The following SLC4A10 variants were observed in gnomAD, a reference collection of about 807,000 sequenced individuals.
The protein encoded by SLC4A10 is sodium-driven chloride bicarbonate exchanger.
A neutral mutation model predicts 137.7 loss-of-function variants in SLC4A10; 42 were observed. The ratio of observed to expected loss-of-function variants is 0.30; its 90% CI spans 0.24 to 0.39. The LOEUF is 0.39. SLC4A10 is among the 10% of genes least tolerant of loss of function. The pLI is 1.00. For missense variants in SLC4A10, 925 were observed against 1,355.0 expected, an observed-to-expected ratio of 0.68 and a Z score of 4.98; for synonymous variants, 474 against 464.1, an observed-to-expected ratio of 1.02 and a Z score of -0.27.
chr2:161,742,161 C>CT (rs1290899911), intron 1 of SLC4A10, among the ~76,000 whole-genome samples: 4 of 152,170 alleles, frequency 2.6e-5, no homozygotes, highest in Non-Finnish European at 5.9e-5. Context: ...GGATCTCATT[C>CT]TTTTTTATGG....
intron 3 of SLC4A10, among the ~76,000 whole-genome samples, chr2:161,814,020 A>T (rs2056820567): frequency 1.3e-5 from 2 of 152,120 alleles, no homozygotes; most frequent in South Asian, 4.1e-4. Context: ...AAACTTTGCT[A>T]TTTAAATTTA....
intron 1 of SLC4A10, among the ~76,000 whole-genome samples, chr2:161,675,008 G>A (rs1188025932): frequency 1.3e-5 from 2 of 152,094 alleles, no homozygotes; most frequent in Admixed American, 1.3e-4. Context: ...AGCTTAATGG[G>A]ACTTTAATAA....
rs142599778 is a variant in SLC4A10, at chr2:161,783,656, A to G, written c.130+12602A>G. Among the ~76,000 whole-genome samples the G allele has an allele frequency of 2.5e-3, 375 of 152,048 alleles. 3 individuals are homozygous for G. The highest frequency in any genetic ancestry group is 8.0e-3 in the African/African-American group (334 of 41,536). On this transcript the variant is annotated intron_variant, in intron 2 of 26. Transcript: ENST00000446997. ...TGTGTATGGGAAGGAGAGTAAAAAG[A>G]GGCATATTTTTGTATGTCATTGAAC...
intron 23 of SLC4A10, among the ~76,000 whole-genome samples, chr2:161,966,693 A>G (rs1697644206): frequency 6.6e-6 from 1 of 151,518 alleles, no homozygotes; most frequent in African/African-American, 2.4e-5. Flanking sequence ...CGTTGCAGTG[A>G]GCCACTGCAC....
chr2:161,642,901 G>A (rs988471982), intron 1 of SLC4A10, among the ~76,000 whole-genome samples: 4 of 152,028 alleles, frequency 2.6e-5, no homozygotes, highest in South Asian at 4.1e-4. Flanking sequence ...TTTTTGTAGC[G>A]AAGACAAAAA....
In SLC4A10 at chr2:161,977,876, A is replaced by G. The variant is rs181042305; in HGVS notation, c.*26+116A>G. The G allele has an allele frequency of 3.2e-5, 28 of 879,090 alleles. No homozygotes were observed. The Admixed American group carries it at 6.1e-4, about 19-fold the overall frequency. The allele number at this position is 879,090 out of a possible 1,614,324, so 54.5% of individuals were successfully genotyped here. On this transcript the variant is annotated intron_variant, in intron 26 of 26. Transcript: ENST00000446997. ...TGTGAGTTTTGGGGAGGCAAAAGGC[A>G]TGGAGAGTGTTGGGCTCAGATCCAG...
chr2:161,928,484 G>A (rs1013731661), intron 15 of SLC4A10, among the ~76,000 whole-genome samples: 1 of 150,228 alleles, frequency 6.7e-6, no homozygotes, highest in African/African-American at 2.5e-5. Flanking sequence ...TAACTAACCT[G>A]CACATTGTGT....
At chr2:161,765,170 T>C (rs2050663669) in intron 1 of SLC4A10, among the ~76,000 whole-genome samples, 1 of 152,288 alleles carries the variant, frequency 6.6e-6, no homozygotes, top group South Asian at 2.1e-4. Context: ...AGTATTGGTT[T>C]GTGAAATTTT....
chr2:161,967,178 A>G (rs1035772207), intron 23 of SLC4A10, among the ~76,000 whole-genome samples: 5 of 152,280 alleles, frequency 3.3e-5, no homozygotes, highest in African/African-American at 1.2e-4. Context: ...TTCTCTGGAC[A>G]CTTCGGTTTC....
At chr2:161,662,444 G>A (rs1253327201) in intron 1 of SLC4A10, among the ~76,000 whole-genome samples, 2 of 151,958 alleles carry the variant, frequency 1.3e-5, no homozygotes, top group Non-Finnish European at 2.9e-5. Context: ...AAACTATTCT[G>A]CCCTATCAAA....
intron 9 of SLC4A10, among the ~76,000 whole-genome samples, chr2:161,881,696 G>A (rs2061793801): frequency 1.3e-5 from 2 of 151,940 alleles, no homozygotes; most frequent in African/African-American, 4.8e-5. Flanking sequence ...TAAAGTTAGA[G>A]TATCTATTGA....
chr2:161,746,525 T>C (rs1357975993), intron 1 of SLC4A10, among the ~76,000 whole-genome samples: 1 of 151,940 alleles, frequency 6.6e-6, no homozygotes, highest in African/African-American at 2.4e-5. Context: ...AAATGTCCTC[T>C]AGGAGCTGAT....
intron 1 of SLC4A10, among the ~76,000 whole-genome samples, chr2:161,753,266 A>G (rs1314843664): frequency 6.6e-6 from 1 of 152,098 alleles, no homozygotes; most frequent in East Asian, 1.9e-4. Context: ...TAATCATATC[A>G]AACAATTGGA....
At chr2:161,982,931 A>C (rs564407704) in intron 26 of SLC4A10, among the ~76,000 whole-genome samples, 1 of 152,312 alleles carries the variant, frequency 6.6e-6, no homozygotes, top group East Asian at 1.9e-4. Context: ...CTGTTTAAAA[A>C]ATGTCTGATT....
intron 5 of SLC4A10, among the ~76,000 whole-genome samples, chr2:161,856,358 A>AAC (rs55983659): frequency 0.35 from 48,871 of 141,536 alleles, 8,385 homozygotes; most frequent in Admixed American, 0.43. Flanking sequence ...AAAATACTAA[A>AAC]ACACACACAC....
chr2:161,697,423 GT>G (rs1227683559), intron 1 of SLC4A10, among the ~76,000 whole-genome samples: 1 of 151,988 alleles, frequency 6.6e-6, no homozygotes, highest in African/African-American at 2.4e-5. Flanking sequence ...TTCTTCTAGG[GT>G]TTTTATGTTT....
chr2:161,922,196 G>A (rs574970945), intron 15 of SLC4A10, among the ~76,000 whole-genome samples: 3 of 152,202 alleles, frequency 2.0e-5, no homozygotes, highest in East Asian at 3.9e-4. Context: ...TTTGAATGAA[G>A]ATAAATTTGA....
At chr2:161,748,588 T>C (rs1409264704) in intron 1 of SLC4A10, among the ~76,000 whole-genome samples, 1 of 152,100 alleles carries the variant, frequency 6.6e-6, no homozygotes, top group Admixed American at 6.6e-5. Flanking sequence ...GTCAGTTGAA[T>C]GTGTATGTCT....
intron 1 of SLC4A10, among the ~76,000 whole-genome samples, chr2:161,640,114 T>C (rs920699670): frequency 6.6e-6 from 1 of 152,154 alleles, no homozygotes; most frequent in Non-Finnish European, 1.5e-5. Context: ...TTTTATTCAA[T>C]TATTTATTTA....
Sources: allele counts gnomAD v4.1 joint callset (sites outside exome capture counted in the v4.1 genomes callset), GRCh38; gene constraint gnomAD v4.1.1; transcripts MANE v1.5; gene names NCBI Gene and HGNC (gene_info 2026-07-23, HGNC 2026-07-21).